PTK2: variants seen among roughly 807,000 people sequenced by gnomAD.
PTK2 encodes the protein protein tyrosine kinase 2, also known as focal adhesion kinase 1.
In PTK2, 45 loss-of-function variants were observed where a neutral mutation model predicts 150.1. The ratio of observed to expected loss-of-function variants is 0.30; its 90% CI spans 0.24 to 0.38. The LOEUF is 0.38. PTK2 is among the 10% of genes least tolerant of loss of function. The pLI is 1.00. For synonymous variants in PTK2, 432 were observed against 449.2 expected (o/e 0.96, Z 0.48); for missense variants, 919 against 1,307.3 (o/e 0.70, Z 4.58).
intron 1 of PTK2, among the ~76,000 whole-genome samples, chr8:140,984,683 T>C (rs1205040343): frequency 1.3e-5 from 2 of 152,140 alleles, no homozygotes; most frequent in Non-Finnish European, 2.9e-5. Flanking sequence ...GCTGGCAAGC[T>C]ACCCCAGGTG....
chr8:140,924,092 G>A (rs190569035), intron 2 of PTK2, among the ~76,000 whole-genome samples: 2 of 151,926 alleles, frequency 1.3e-5, no homozygotes, highest in Non-Finnish European at 2.9e-5. Flanking sequence ...CCCCTCTATC[G>A]CCAAGGATCC....
intron 15 of PTK2, 78 bp downstream of exon 17, chr8:140,764,152 AAGAC>A (rs1212153998): frequency 1.7e-6 from 2 of 1,155,980 alleles, no homozygotes; most frequent in Non-Finnish European, 1.3e-6. Context: ...TGGCTCTAAA[AAGAC>A]AGTAAGTATC....
At chr8:140,927,975 A>AAAAAAAAAAAAAAAATATATAT in intron 1 of PTK2, among the ~76,000 whole-genome samples, 2 of 48,196 alleles carry the variant, frequency 4.1e-5, no homozygotes, top group Non-Finnish European at 3.4e-5. Flanking sequence ...AAAAAAAAAA[A>AAAAAAAAAAAAAAAATATATAT]ATATATATAT....
At chr8:140,681,542 C>T (rs1046268738) in intron 27 of PTK2, among the ~76,000 whole-genome samples, 4 of 151,098 alleles carry the variant, frequency 2.6e-5, no homozygotes, top group Non-Finnish European at 2.9e-5. Flanking sequence ...GAGGCGGAGG[C>T]GGGCAGGGGG....
chr8:140,935,229 A>T (rs1226421905), intron 1 of PTK2, among the ~76,000 whole-genome samples: 1 of 152,186 alleles, frequency 6.6e-6, no homozygotes, highest in African/African-American at 2.4e-5. Flanking sequence ...ACACCCATGA[A>T]ATGTCCCAGG....
intron 5 of PTK2, among the ~76,000 whole-genome samples, chr8:140,855,307 G>C (rs1004013084): frequency 6.6e-6 from 1 of 152,088 alleles, no homozygotes; most frequent in African/African-American, 2.4e-5. Flanking sequence ...AAAAAAAAGG[G>C]GGGGGTCGCC....
intron 5 of PTK2, 104 bp from the exon 6 acceptor site, chr8:140,846,782 A>G (rs192346741): frequency 1.4e-6 from 1 of 733,198 alleles, no homozygotes; most frequent in Non-Finnish European, 2.2e-6. Flanking sequence ...AGTTTACATT[A>G]TGTCGGTAAT....
At chr8:140,823,988 T>C (rs191332620) in intron 8 of PTK2, among the ~76,000 whole-genome samples, 147 of 152,340 alleles carry the variant, frequency 9.6e-4, no homozygotes, top group Non-Finnish European at 7.1e-4. Flanking sequence ...GCCTCTTATT[T>C]CTCAGCATCT....
At chr8:140,895,768 C>A (rs536220541) in intron 2 of PTK2, among the ~76,000 whole-genome samples, 1 of 152,122 alleles carries the variant, frequency 6.6e-6, no homozygotes, top group East Asian at 1.9e-4. Context: ...GTGATGGATA[C>A]CCCATTTAGC....
chr8:140,835,086 A>G (rs1408680048), intron 7 of PTK2, among the ~76,000 whole-genome samples: 1 of 152,192 alleles, frequency 6.6e-6, no homozygotes, highest in Non-Finnish European at 1.5e-5. Context: ...TGCCATCAGC[A>G]TTCCCCACTC....
chr8:140,707,650 C>CT (rs1453641346), intron 23 of PTK2, among the ~76,000 whole-genome samples: 1 of 152,182 alleles, frequency 6.6e-6, no homozygotes, highest in Non-Finnish European at 1.5e-5. Context: ...AGTGATCTGC[C>CT]TGCCTCAGCC....
chr8:140,964,547 ATTTT>A (rs1025644210), intron 1 of PTK2, among the ~76,000 whole-genome samples: 5 of 76,814 alleles, frequency 6.5e-5, no homozygotes, highest in African/African-American at 3.0e-4. Context: ...GCCCCAGGTA[ATTTT>A]TTTTTTTTTT....
chr8:140,939,495 T>C (rs1385093372), intron 1 of PTK2, among the ~76,000 whole-genome samples: 1 of 152,202 alleles, frequency 6.6e-6, no homozygotes, highest in African/African-American at 2.4e-5. Flanking sequence ...ATCCAACAGG[T>C]AGCCTTCATC....
At chr8:140,810,972 G>A (rs145138384) in intron 10 of PTK2, among the ~76,000 whole-genome samples, 104 of 152,254 alleles carry the variant, frequency 6.8e-4, no homozygotes, top group African/African-American at 2.4e-3. Context: ...CACCCAAACC[G>A]TGCTGCTACT....
intron 7 of PTK2, among the ~76,000 whole-genome samples, chr8:140,838,879 A>G (rs1048858646): frequency 4.6e-4 from 70 of 151,786 alleles, no homozygotes; most frequent in African/African-American, 1.3e-3. Flanking sequence ...GGTGGCGGGC[A>G]CCTGTAGTCC....
intron 2 of PTK2, 138 bp from the exon 3 acceptor site, chr8:140,890,907 C>A (rs914876137): frequency 2.6e-5 from 18 of 688,670 alleles, no homozygotes; most frequent in African/African-American, 2.0e-4. Flanking sequence ...AGAATAGAGA[C>A]CTAATCCACT....
chr8:140,896,525 G>A (rs991139842), intron 2 of PTK2, among the ~76,000 whole-genome samples: 1 of 152,174 alleles, frequency 6.6e-6, no homozygotes, highest in Non-Finnish European at 1.5e-5. Context: ...AGAAGAGCCA[G>A]CTACCTCGAT....
intron 1 of PTK2, among the ~76,000 whole-genome samples, chr8:140,961,050 A>G (rs1453482405): frequency 2.0e-5 from 3 of 152,250 alleles, no homozygotes; most frequent in Non-Finnish European, 4.4e-5. Flanking sequence ...TCAGAAAAGC[A>G]GCAGATATAT....
At chr8:140,736,663 A>T (rs1400181654) in intron 21 of PTK2, among the ~76,000 whole-genome samples, 3 of 152,222 alleles carry the variant, frequency 2.0e-5, no homozygotes, top group Non-Finnish European at 4.4e-5. Context: ...CTAGTGCCTT[A>T]TCATCACTGC....
Sources: gnomAD v4.1 joint callset for allele counts (sites outside exome capture counted in the v4.1 genomes callset) on GRCh38, gnomAD v4.1.1 for gene constraint, MANE v1.5 for transcripts, NCBI Gene and HGNC (gene_info 2026-07-23, HGNC 2026-07-21) for gene names.